Variants in SEMA5A observed in about 807,000 individuals in gnomAD.
SEMA5A encodes the protein semaphorin-5A.
Under a neutral mutation model 135.5 loss-of-function variants are expected in SEMA5A, and 55 were observed. The ratio of observed to expected loss-of-function variants is 0.41; its 90% CI spans 0.33 to 0.51. The LOEUF is 0.51. SEMA5A is among the 20% of genes least tolerant of loss of function. The probability of loss-of-function intolerance (pLI) is 0.37; values close to 1 mark genes in which losing one functional copy is unlikely to be tolerated. For synonymous variants in SEMA5A, 580 were observed against 546.5 expected (o/e 1.06, Z -0.85); for missense variants, 1,290 against 1,419.9 (o/e 0.91, Z 1.47).
chr5:9,039,396 C>T lies in SEMA5A; in HGVS notation c.*3501G>A, dbSNP rs1268771654. On this transcript the variant is annotated 3_prime_UTR_variant, in exon 23 of 23. Coordinates refer to ENST00000382496, the MANE Select transcript of SEMA5A (RefSeq NM_003966.3). ...CCCTGGTTCATCCCAAACCACATGA[C>T]ATGAACGGACTCTTCCTAGGGACAG... The T allele has an allele frequency of 2.0e-5, 3 of 152,294 alleles. No homozygotes were observed. The highest frequency in any genetic ancestry group is 2.9e-5 in the Non-Finnish European group (2 of 68,076). 9.4% of individuals were successfully genotyped at this position (152,294 alleles called of 1,614,324 possible).
At chr5:9,274,251 A>G (rs567350819) in intron 5 of SEMA5A, among the ~76,000 whole-genome samples, 28 of 152,304 alleles carry the variant, frequency 1.8e-4, no homozygotes, top group African/African-American at 6.3e-4. Context: ...AGGACATTAC[A>G]TAATAGTAAA....
intron 1 of SEMA5A, among the ~76,000 whole-genome samples, chr5:9,479,893 T>C (rs776228696): frequency 3.2e-4 from 49 of 152,166 alleles, no homozygotes; most frequent in Non-Finnish European, 3.8e-4. Flanking sequence ...ACCTCTAAGG[T>C]GGTGGAGGTA....
chr5:9,178,623 C>T (rs934730373), intron 11 of SEMA5A, among the ~76,000 whole-genome samples: 2 of 152,180 alleles, frequency 1.3e-5, no homozygotes, highest in African/African-American at 4.8e-5. Flanking sequence ...GCCACCGCGC[C>T]CAGCCAGATA....
At chr5:9,392,361 A>G (rs944089420) in intron 2 of SEMA5A, among the ~76,000 whole-genome samples, 1 of 152,200 alleles carries the variant, frequency 6.6e-6, no homozygotes, top group Non-Finnish European at 1.5e-5. Flanking sequence ...TGCTGTATGT[A>G]TATCAAAATA....
At chr5:9,126,955 G>C (rs556923743) in intron 13 of SEMA5A, among the ~76,000 whole-genome samples, 5 of 152,300 alleles carry the variant, frequency 3.3e-5, no homozygotes, top group African/African-American at 9.6e-5. Flanking sequence ...AATGTCAGCA[G>C]GTCATTGCTC....
rs528846048 is a variant in SEMA5A, at chr5:9,041,271, A to G, written c.*1626T>C. The G allele has an allele frequency of 1.3e-5, 2 of 152,336 alleles. No individual in the cohort carries two copies. The highest frequency in any genetic ancestry group is 2.1e-4 in the South Asian group (1 of 4,826). 9.4% of individuals were successfully genotyped at this position (152,336 alleles called of 1,614,324 possible). A position where few individuals can be genotyped will look rare whatever the true frequency, so the allele number is the denominator to read the frequency against. ...AACAAAGATAAGGGTAAAATCACAT[A>G]TGCTAATAAAATTCTATGTTCCTTA... is the stretch of plus-strand genomic sequence containing the variant. On this transcript the variant is annotated 3_prime_UTR_variant, in exon 23 of 23. Coordinates refer to ENST00000382496, the MANE Select transcript of SEMA5A (RefSeq NM_003966.3).
chr5:9,199,564 T>C (rs1745595942), intron 9 of SEMA5A, among the ~76,000 whole-genome samples: 1 of 152,198 alleles, frequency 6.6e-6, no homozygotes, highest in Admixed American at 6.5e-5. Flanking sequence ...CTGGAATCAG[T>C]ATGAACAAGC....
At chr5:9,221,805 C>G (rs1168243921) in intron 8 of SEMA5A, among the ~76,000 whole-genome samples, 2 of 152,136 alleles carry the variant, frequency 1.3e-5, no homozygotes, top group Non-Finnish European at 2.9e-5. Flanking sequence ...CCCTTTAGAA[C>G]CTAACATTTC....
At chr5:9,432,264 G>A (rs1579530966) in intron 2 of SEMA5A, among the ~76,000 whole-genome samples, 1 of 152,152 alleles carries the variant, frequency 6.6e-6, no homozygotes, top group East Asian at 1.9e-4. Flanking sequence ...CTACAGCCCT[G>A]TATTTCTGAC....
At chr5:9,177,107 C>T (rs916699469) in intron 11 of SEMA5A, among the ~76,000 whole-genome samples, 2 of 152,168 alleles carry the variant, frequency 1.3e-5, no homozygotes, top group Non-Finnish European at 2.9e-5. Context: ...CAGAATTAAT[C>T]CCATAAACAG....
intron 1 of SEMA5A, among the ~76,000 whole-genome samples, chr5:9,442,414 C>T (rs182705671): frequency 5.0e-4 from 76 of 152,316 alleles, no homozygotes; most frequent in African/African-American, 1.7e-3. Flanking sequence ...ATCAGAAGCT[C>T]GTGACTAGCC....
intron 16 of SEMA5A, among the ~76,000 whole-genome samples, chr5:9,085,730 G>A (rs974047668): frequency 3.3e-5 from 5 of 152,212 alleles, no homozygotes; most frequent in African/African-American, 1.2e-4. Flanking sequence ...TGTCCCTACT[G>A]GGGCACAACC....
At chr5:9,108,092 A>G in intron 16 of SEMA5A, 48 bp downstream of exon 16, 3 of 1,594,126 alleles carry the variant, frequency 1.9e-6, no homozygotes, top group African/African-American at 2.7e-5. Context: ...TTGAGTCTGT[A>G]TTCCTGGTTC....
chr5:9,483,394 C>T (rs1759955309), intron 1 of SEMA5A, among the ~76,000 whole-genome samples: 1 of 152,118 alleles, frequency 6.6e-6, no homozygotes, highest in Non-Finnish European at 1.5e-5. Context: ...GCTAATCATG[C>T]TTAAAAGAAT....
At chr5:9,117,153 TTGAAGACACCGCTGTATCTTTTCC>T (rs1405255994) in intron 15 of SEMA5A, among the ~76,000 whole-genome samples, 5 of 152,356 alleles carry the variant, frequency 3.3e-5, no homozygotes, top group South Asian at 2.1e-4. Flanking sequence ...GTCATCTTTA[TTGAAGACACCGCTGTATCTTTTCC>T]TGAAGACACC....
chr5:9,541,124 T>C (rs1160703717), intron 1 of SEMA5A, among the ~76,000 whole-genome samples: 1 of 152,186 alleles, frequency 6.6e-6, no homozygotes, highest in African/African-American at 2.4e-5. Context: ...CTGTGAACGA[T>C]TTGTCCTTGT....
At chr5:9,403,210 C>A (rs1036306155) in intron 2 of SEMA5A, among the ~76,000 whole-genome samples, 9 of 152,156 alleles carry the variant, frequency 5.9e-5, no homozygotes, top group African/African-American at 9.7e-5. Flanking sequence ...ATTGTATATA[C>A]CCCTTATTAT....
chr5:9,196,961 C>CAA (rs1308079526), intron 10 of SEMA5A, among the ~76,000 whole-genome samples: 1 of 152,164 alleles, frequency 6.6e-6, no homozygotes, highest in Non-Finnish European at 1.5e-5. Flanking sequence ...TGACAAAAGG[C>CAA]CCTTTCTGGG....
chr5:9,053,976 ACCCC>A (rs888733964), intron 19 of SEMA5A, 107 bp downstream of exon 19: 5 of 1,287,798 alleles, frequency 3.9e-6, no homozygotes, highest in Non-Finnish European at 5.3e-6. Flanking sequence ...TAACTTGCCC[ACCCC>A]CCTTTCAGTA....
Sources: gnomAD v4.1 joint callset for allele counts (sites outside exome capture counted in the v4.1 genomes callset) on GRCh38, gnomAD v4.1.1 for gene constraint, MANE v1.5 for transcripts, NCBI Gene and HGNC (gene_info 2026-07-23, HGNC 2026-07-21) for gene names.